CSMD1: variants seen among roughly 807,000 people sequenced by gnomAD.
CSMD1 encodes CUB and sushi domain-containing protein 1.
In CSMD1, 213 loss-of-function variants were observed where a neutral mutation model predicts 417.5. That is an observed-to-expected ratio of 0.51 (90% CI 0.46 to 0.57). The LOEUF (loss-of-function observed/expected upper bound fraction) is 0.57, where lower values mean the gene tolerates loss of function less well. CSMD1 is among the 20% of genes least tolerant of loss of function. The probability of loss-of-function intolerance (pLI) is 0.00; values close to 1 mark genes in which losing one functional copy is unlikely to be tolerated. For missense variants in CSMD1, 6,923 were observed against 4,529.7 expected, an observed-to-expected ratio of 1.53 and a Z score of -15.17; for synonymous variants, 2,862 against 1,736.8, an observed-to-expected ratio of 1.65 and a Z score of -16.11.
intron 7 of CSMD1, among the ~76,000 whole-genome samples, chr8:3,653,685 T>C (rs1426260728): frequency 2.0e-5 from 3 of 152,166 alleles, no homozygotes. Flanking sequence ...GCCCAAGTCC[T>C]GGCACTTGTG....
In CSMD1 at chr8:4,281,515, T is replaced by C. The variant is rs190005239; in HGVS notation, c.415+138438A>G. Among the ~76,000 whole-genome samples, 290 of 152,360 alleles carry C rather than the reference T, an allele frequency of 1.9e-3. 1 individual carries two copies. Among genetic ancestry groups the C allele is most frequent in the African/African-American group, 6.6e-3 (275 of 41,588 alleles). ...TCTGAAGTTTTACTGAAATATCTTA[T>C]GCATTGAAGCTCACATTAAAGGTCC... On this transcript the variant is annotated intron_variant, in intron 3 of 69. Transcript: ENST00000635120.
chr8:3,706,455 TTC>T (rs1211987495), intron 7 of CSMD1, among the ~76,000 whole-genome samples: 7 of 152,216 alleles, frequency 4.6e-5, no homozygotes, highest in Non-Finnish European at 8.8e-5. Context: ...AAGGTTTCCA[TTC>T]CTCATTTTCC....
intron 23 of CSMD1, among the ~76,000 whole-genome samples, chr8:3,309,259 G>A (rs1034381175): frequency 6.6e-6 from 1 of 152,066 alleles, no homozygotes; most frequent in African/African-American, 2.4e-5. Flanking sequence ...CCAGCCCATT[G>A]TCAAGACCCG....
At chr8:3,571,891 T>A (rs1477869340) in intron 10 of CSMD1, among the ~76,000 whole-genome samples, 1 of 152,212 alleles carries the variant, frequency 6.6e-6, no homozygotes, top group Non-Finnish European at 1.5e-5. Flanking sequence ...TAGGGTGTAC[T>A]TCCGTCCTCT....
At chr8:3,668,976 C>A (rs528787489) in intron 7 of CSMD1, among the ~76,000 whole-genome samples, 3 of 152,126 alleles carry the variant, frequency 2.0e-5, no homozygotes, top group Non-Finnish European at 4.4e-5. Flanking sequence ...ATTGAGCAAC[C>A]AGGTTAGCCT....
At chr8:3,092,280 C>T (rs1192739907) in intron 47 of CSMD1, among the ~76,000 whole-genome samples, 1 of 151,870 alleles carries the variant, frequency 6.6e-6, no homozygotes, top group Non-Finnish European at 1.5e-5. Context: ...ATACACATAT[C>T]CACATAGGTA....
chr8:4,227,599 G>C (rs552684619), intron 3 of CSMD1, among the ~76,000 whole-genome samples: 14 of 151,960 alleles, frequency 9.2e-5, no homozygotes, highest in Admixed American at 2.6e-4. Context: ...CCGACCTCAG[G>C]ATTCCCTGCA....
intron 23 of CSMD1, among the ~76,000 whole-genome samples, chr8:3,331,166 A>C (rs1806868398): frequency 6.7e-6 from 1 of 149,308 alleles, no homozygotes; most frequent in Non-Finnish European, 1.5e-5. Flanking sequence ...TGAACCCGGG[A>C]GGTGGAGCTT....
chr8:3,637,056 A>C (rs745514841), intron 7 of CSMD1, among the ~76,000 whole-genome samples: 1 of 152,180 alleles, frequency 6.6e-6, no homozygotes, highest in Non-Finnish European at 1.5e-5. Flanking sequence ...CCCTCGCCAG[A>C]ATCAGGATCC....
At position 4,081,892 on chromosome 8, in the gene CSMD1, T is replaced by C. The variant is rs1204987090; in HGVS notation, c.416-49793A>G. 2.6e-5 allele frequency among the ~76,000 whole-genome samples: 4 copies of C among 152,180 alleles called. No individual in the cohort carries two copies. The East Asian group carries it at 7.7e-4, about 29-fold the overall frequency. ...CATATCAAAATGTGTTGGATTTAGT[T>C]ACAGTAGTGCTCATGGGGGAGTGTG... On this transcript the variant is annotated intron_variant, in intron 3 of 69. Transcript: ENST00000635120.
chr8:3,411,295 T>C (rs1375028956), intron 12 of CSMD1, among the ~76,000 whole-genome samples: 1 of 152,188 alleles, frequency 6.6e-6, no homozygotes, highest in Non-Finnish European at 1.5e-5. Context: ...TTGCACTTTA[T>C]TATCTTGCAG....
At chr8:3,036,094 A>G (rs1476153236) in intron 50 of CSMD1, among the ~76,000 whole-genome samples, 1 of 152,230 alleles carries the variant, frequency 6.6e-6, no homozygotes, top group African/African-American at 2.4e-5. Context: ...TAAAAGACAC[A>G]TTGCCCTGAC....
chr8:4,926,258 G>T (rs182096737), intron 1 of CSMD1, among the ~76,000 whole-genome samples: 1 of 152,160 alleles, frequency 6.6e-6, no homozygotes, highest in Admixed American at 6.5e-5. Context: ...TGAATAAATG[G>T]ATGTATCACA....
At chr8:4,888,095 G>A (rs1201504251) in intron 1 of CSMD1, among the ~76,000 whole-genome samples, 4 of 151,620 alleles carry the variant, frequency 2.6e-5, no homozygotes, top group Non-Finnish European at 4.4e-5. Flanking sequence ...AAATACATAT[G>A]TACACTCTTA....
chr8:4,509,141 G>A (rs555575435), intron 2 of CSMD1, among the ~76,000 whole-genome samples: 8 of 152,142 alleles, frequency 5.3e-5, no homozygotes, highest in African/African-American at 1.9e-4. Flanking sequence ...ATAAACAATA[G>A]ACCTTTTAGG....
chr8:4,644,872 T>G (rs573372279), intron 1 of CSMD1, among the ~76,000 whole-genome samples: 2 of 152,352 alleles, frequency 1.3e-5, no homozygotes, highest in East Asian at 3.9e-4. Flanking sequence ...TGCCTGCTAG[T>G]TGACATTCAA....
At chr8:3,359,671 A>T (rs1809028579) in intron 20 of CSMD1, among the ~76,000 whole-genome samples, 1 of 152,152 alleles carries the variant, frequency 6.6e-6, no homozygotes, top group African/African-American at 2.4e-5. Flanking sequence ...ATATGTTCTA[A>T]TACTTGATAG....
At chr8:3,128,039 T>C (rs1563069539) in intron 41 of CSMD1, 1 of 152,044 alleles carries the variant, frequency 6.6e-6, no homozygotes, top group Non-Finnish European at 1.5e-5. Context: ...GAAAAGGAAG[T>C]CACTAAAATC....
Position 3,308,343 on chromosome 8 carries a change from T to A in CSMD1, c.3792A>T (p.Arg1264Ser). The change falls in exon 24 of 70, where the codon AGA becomes AGT. Residue 1264 changes from arginine (R) to serine (S), a missense_variant. Physicochemically the swap from Arg to Ser is moderately radical, Grantham distance 110. Transcript: ENST00000635120. ...NTLTCLSGDR[R>S]VWDKPLPSCI... ...ACGAAGGTAGTGGTTTGTCCCACAC[T>A]CTCCTGTCTCCACTCAAACAGGTCA... 2.5e-6 allele frequency: 4 copies of A among 1,612,924 alleles called. No homozygotes were observed. The highest frequency in any genetic ancestry group is 3.4e-6 in the Non-Finnish European group (4 of 1,179,192).
Sources: allele counts gnomAD v4.1 joint callset (sites outside exome capture counted in the v4.1 genomes callset), GRCh38; gene constraint gnomAD v4.1.1; transcripts MANE v1.5; gene names NCBI Gene and HGNC (gene_info 2026-07-23, HGNC 2026-07-21).